Variants in TRPC5 observed in about 807,000 individuals in gnomAD.
TRPC5 encodes the protein transient receptor potential cation channel subfamily C member 5, also known as short transient receptor potential channel 5.
TRPC5 carries 9 observed loss-of-function variants against 56.5 expected under a neutral mutation model. That is an observed-to-expected ratio of 0.16 (90% CI 0.10 to 0.28). The LOEUF is 0.28. TRPC5 is among the 10% of genes least tolerant of loss of function. TRPC5 has a pLI of 1.00. For synonymous variants in TRPC5, 282 were observed against 278.5 expected (o/e 1.01, Z -0.13); for missense variants, 469 against 748.9 (o/e 0.63, Z 4.36).
At chrX:111,838,545 C>G (rs754753271) in intron 6 of TRPC5, among the ~76,000 whole-genome samples, 2 of 111,228 alleles carry the variant, frequency 1.8e-5, no homozygotes, top group African/African-American at 3.3e-5. Context: ...ATCTTAATAA[C>G]AAAGGACTAT....
At chrX:111,930,755 C>T (rs1926389129) in intron 2 of TRPC5, 1 of 111,211 alleles carries the variant, frequency 9.0e-6, no homozygotes, top group South Asian at 3.8e-4. Context: ...TTATTCATGC[C>T]CAGGATCTGC....
intron 3 of TRPC5, among the ~76,000 whole-genome samples, chrX:111,887,747 A>G (rs1603077848): frequency 8.9e-6 from 1 of 112,220 alleles, no homozygotes. Context: ...GTAAGGAATT[A>G]TTAGTCCTTA....
At chrX:112,012,726 C>G (rs1929024133) in intron 1 of TRPC5, among the ~76,000 whole-genome samples, 1 of 111,889 alleles carries the variant, frequency 8.9e-6, no homozygotes, top group Admixed American at 9.5e-5. Context: ...TAGCTCTTTT[C>G]ACTATTTGCA....
At chrX:112,020,222 G>C (rs1021188764) in intron 1 of TRPC5, among the ~76,000 whole-genome samples, 6 of 111,608 alleles carry the variant, frequency 5.4e-5, no homozygotes, top group Admixed American at 2.9e-4. Context: ...GAATTGTGCT[G>C]AATCTTCCAT....
rs903279191 is a variant in TRPC5, at chrX:111,901,785, G to A, written c.900+10506C>T. 13 of 909,194 alleles carry A rather than the reference G, an allele frequency of 1.4e-5. No homozygotes were observed. In the African/African-American group the frequency reaches 2.2e-4, roughly 16 times the overall value. The allele number at this position is 909,194 out of a possible 1,213,427, so 74.9% of individuals were successfully genotyped here. A position where few individuals can be genotyped will look rare whatever the true frequency, so the allele number is the denominator to read the frequency against. ...TTGTTAGCCCCTTATACTATCCATT[G>A]TCACCAAGAGTCCATTTGCTAGAGC... On this transcript the variant is annotated intron_variant, in intron 3 of 10. Transcript: ENST00000262839.
intron 2 of TRPC5, among the ~76,000 whole-genome samples, chrX:111,949,086 G>A (rs1180696295): frequency 3.6e-5 from 4 of 111,822 alleles, no homozygotes; most frequent in Non-Finnish European, 1.9e-5. Context: ...ATAAAGTGGG[G>A]GAAGGACACC....
At chrX:112,050,693 C>T (rs1930192402) in intron 1 of TRPC5, among the ~76,000 whole-genome samples, 1 of 112,109 alleles carries the variant, frequency 8.9e-6, no homozygotes, top group South Asian at 3.7e-4. Flanking sequence ...TCCTACTCTG[C>T]TATGTTGTTT....
intron 3 of TRPC5, among the ~76,000 whole-genome samples, chrX:111,885,717 C>G (rs1924458988): frequency 9.0e-6 from 1 of 111,273 alleles, no homozygotes; most frequent in Non-Finnish European, 1.9e-5. Flanking sequence ...TAAGTACCTT[C>G]TGCAATGCCA....
chrX:111,972,069 T>G, intron 1 of TRPC5, among the ~76,000 whole-genome samples: 1 of 111,620 alleles, frequency 9.0e-6, no homozygotes, highest in African/African-American at 3.3e-5. Flanking sequence ...AAATGCGTCC[T>G]TCTTGGCTGC....
rs1478744990 is a variant in TRPC5 at position 111,771,065 on chromosome X, C to T, written c.*5248G>A. On this transcript the variant is annotated 3_prime_UTR_variant, in exon 11 of 11. Coordinates refer to ENST00000262839, the MANE Select transcript of TRPC5 (RefSeq NM_012471.3). ...GTCATTCTAACCTACTTCAGTTAGT[C>T]TTTTTTGGTTCTATCAAGTCACTGG... Among the ~76,000 whole-genome samples, 2 of 111,582 alleles carry T rather than the reference C, an allele frequency of 1.8e-5. No homozygotes were observed. Among genetic ancestry groups the T allele is most frequent in the African/African-American group, 6.5e-5 (2 of 30,719 alleles).
At chrX:111,787,814 AG>A (rs1945981070) in intron 7 of TRPC5, among the ~76,000 whole-genome samples, 1 of 111,925 alleles carries the variant, frequency 8.9e-6, no homozygotes. Flanking sequence ...AAAATCTGGA[AG>A]AAATGGATAA....
At chrX:111,803,466 C>T (rs1921387608) in intron 7 of TRPC5, among the ~76,000 whole-genome samples, 1 of 111,993 alleles carries the variant, frequency 8.9e-6, no homozygotes, top group African/African-American at 3.2e-5. Context: ...ATTTACACTC[C>T]AATCAACAGT....
chrX:111,935,312 A>G (rs1422380270), intron 2 of TRPC5, among the ~76,000 whole-genome samples: 2 of 111,880 alleles, frequency 1.8e-5, no homozygotes, highest in Non-Finnish European at 3.8e-5. Flanking sequence ...TGATAGGAAG[A>G]CTAATCGTTT....
chrX:111,806,322 T>C (rs1921512358), intron 7 of TRPC5, among the ~76,000 whole-genome samples: 1 of 112,290 alleles, frequency 8.9e-6, no homozygotes, highest in African/African-American at 3.2e-5. Context: ...CTTACAAGGG[T>C]ATGGACAAGG....
At chrX:111,951,045 C>T (rs1467105384) in intron 2 of TRPC5, among the ~76,000 whole-genome samples, 1 of 111,524 alleles carries the variant, frequency 9.0e-6, no homozygotes, top group Non-Finnish European at 1.9e-5. Flanking sequence ...GAGAATAATG[C>T]CTTATTCTTG....
At chrX:112,000,810 T>C (rs1269496636) in intron 1 of TRPC5, among the ~76,000 whole-genome samples, 1 of 111,715 alleles carries the variant, frequency 9.0e-6, no homozygotes, top group Non-Finnish European at 1.9e-5. Context: ...TCTACCACAT[T>C]TGATGGTAGA....
chrX:112,025,324 T>C (rs1321919542), intron 1 of TRPC5, among the ~76,000 whole-genome samples: 7 of 112,194 alleles, frequency 6.2e-5, no homozygotes, highest in Non-Finnish European at 1.3e-4. Context: ...ATGCCAATTA[T>C]AGAAATTATA....
intron 1 of TRPC5, among the ~76,000 whole-genome samples, chrX:112,074,224 G>GT (rs997834747): frequency 1.3e-4 from 14 of 107,990 alleles, no homozygotes; most frequent in Non-Finnish European, 2.1e-4. Flanking sequence ...ATTTCCTTTT[G>GT]TTTTTTTTGA....
At chrX:111,862,850 T>C (rs1235331988) in intron 3 of TRPC5, among the ~76,000 whole-genome samples, 6 of 112,436 alleles carry the variant, frequency 5.3e-5, no homozygotes, top group Non-Finnish European at 1.1e-4. Flanking sequence ...CTTTAGTTTC[T>C]TTGAACAGTG....
Sources: allele counts gnomAD v4.1 joint callset (sites outside exome capture counted in the v4.1 genomes callset), GRCh38; gene constraint gnomAD v4.1.1; transcripts MANE v1.5; gene names NCBI Gene and HGNC (gene_info 2026-07-23, HGNC 2026-07-21).